Variants in SNX25 observed in about 807,000 individuals in gnomAD.
SNX25 encodes the protein sorting nexin-25.
Under a neutral mutation model 113.7 loss-of-function variants are expected in SNX25, and 62 were observed. The observed-to-expected ratio is 0.55, with a 90% CI of 0.44 to 0.67. The LOEUF (loss-of-function observed/expected upper bound fraction) is 0.67. Among genes scored for constraint, SNX25 ranks in the 30% least tolerant of loss-of-function variants. The probability of loss-of-function intolerance (pLI) is 0.00; values close to 1 mark genes in which losing one functional copy is unlikely to be tolerated. For synonymous variants in SNX25, 421 were observed against 436.2 expected (o/e 0.97, Z 0.43); for missense variants, 1,014 against 1,161.0 (o/e 0.87, Z 1.84).
intron 6 of SNX25, among the ~76,000 whole-genome samples, chr4:185,307,758 C>T (rs1754665091): frequency 6.6e-6 from 1 of 152,164 alleles, no homozygotes; most frequent in African/African-American, 2.4e-5. Context: ...CCTTGTCTGT[C>T]ACCTTTCTCA....
chr4:185,330,572 T>C (rs2095187337), intron 9 of SNX25, among the ~76,000 whole-genome samples: 1 of 152,226 alleles, frequency 6.6e-6, no homozygotes, highest in Admixed American at 6.5e-5. Flanking sequence ...ACCTCTTATT[T>C]ACTGTTAGTG....
intron 1 of SNX25, among the ~76,000 whole-genome samples, chr4:185,241,723 C>T (rs1230586631): frequency 6.6e-6 from 1 of 151,986 alleles, no homozygotes; most frequent in Non-Finnish European, 1.5e-5. Flanking sequence ...GACCAGGATA[C>T]TGAAGATTAT....
At chr4:185,377,824 C>T in the SNX25 span, 2 of 355,768 alleles carry the variant, frequency 5.6e-6, no homozygotes, top group East Asian at 1.0e-4. Context: ...GTGACATCTG[C>T]TTTCTGTTTT....
At chr4:185,320,224 C>T (rs13142118) in intron 7 of SNX25, among the ~76,000 whole-genome samples, 50,749 of 152,044 alleles carry the variant, frequency 0.33, 9,640 homozygotes, top group East Asian at 0.49. Context: ...ATGGAAGCAG[C>T]CCAAATGCCC....
chr4:185,318,081 A>G (rs2095089943), intron 7 of SNX25, among the ~76,000 whole-genome samples: 1 of 152,226 alleles, frequency 6.6e-6, no homozygotes, highest in South Asian at 2.1e-4. Flanking sequence ...TTCTGCCCAC[A>G]AAACAGATTA....
At chr4:185,345,037 G>A (rs2095278811) in intron 12 of SNX25, among the ~76,000 whole-genome samples, 1 of 152,054 alleles carries the variant, frequency 6.6e-6, no homozygotes, top group Non-Finnish European at 1.5e-5. Flanking sequence ...CAAAACAGGA[G>A]GAAAAAGAGT....
At chr4:185,216,040 A>G (rs137945259) in intron 1 of SNX25, among the ~76,000 whole-genome samples, 196 of 152,052 alleles carry the variant, frequency 1.3e-3, no homozygotes, top group African/African-American at 4.4e-3. Context: ...CAAGTGATCC[A>G]CCCGTCTTGG....
At chr4:185,239,233 G>A (rs1579415500) in intron 1 of SNX25, among the ~76,000 whole-genome samples, 1 of 146,528 alleles carries the variant, frequency 6.8e-6, no homozygotes, top group Non-Finnish European at 1.5e-5. Context: ...TGTAATCCCA[G>A]CACTTTGGGA....
chr4:185,274,353 C>G (rs60562192), intron 5 of SNX25, among the ~76,000 whole-genome samples: 137 of 152,304 alleles, frequency 9.0e-4, no homozygotes, highest in African/African-American at 3.3e-3. Context: ...GCCACCATGC[C>G]CAGCCAACAC....
Position 185,334,335 on chromosome 4 carries a change from C to T in SNX25, c.1914+1576C>T, listed in dbSNP as rs1467357655. ...CCTGGGTGACACAGCAAGACTCCAT[C>T]GATCAATCAATCAATAAAAAATAAG... On this transcript the variant is annotated intron_variant, in intron 10 of 18. Transcript: ENST00000652585. The surrounding 1 kb of genome is among the most constrained non-coding windows in gnomAD (Gnocchi z 4.2). Among the ~76,000 whole-genome samples, 3 of 152,042 alleles carry T rather than the reference C, an allele frequency of 2.0e-5. No homozygotes were observed. The highest frequency in any genetic ancestry group is 2.9e-5 in the Non-Finnish European group (2 of 68,026).
intron 6 of SNX25, among the ~76,000 whole-genome samples, chr4:185,293,822 G>A (rs1182594703): frequency 1.3e-5 from 2 of 152,142 alleles, no homozygotes; most frequent in East Asian, 1.9e-4. Flanking sequence ...ATAGTACCAT[G>A]AGGGATTGCA....
chr4:185,216,512 G>GT (rs1560894560), intron 1 of SNX25, among the ~76,000 whole-genome samples: 6 of 117,868 alleles, frequency 5.1e-5, no homozygotes, highest in East Asian at 2.8e-4. Flanking sequence ...GTGTGTATTT[G>GT]GTTTTTTTTT....
chr4:185,330,266 T>C (rs1006506894), intron 9 of SNX25, among the ~76,000 whole-genome samples: 8 of 152,156 alleles, frequency 5.3e-5, no homozygotes, highest in African/African-American at 1.7e-4. Context: ...ATCTTGGGGC[T>C]GACATCTCCC....
chr4:185,367,655 A>G (rs1487936841), downstream of SNX25, among the ~76,000 whole-genome samples: 2 of 152,206 alleles, frequency 1.3e-5, no homozygotes, highest in Non-Finnish European at 2.9e-5. Context: ...TTATGTCTAA[A>G]TAGTGACAAG....
chr4:185,218,175 C>T (rs917565706), intron 1 of SNX25, among the ~76,000 whole-genome samples: 44 of 152,332 alleles, frequency 2.9e-4, no homozygotes, highest in Middle Eastern at 6.8e-3. Context: ...ACCTCTGCCT[C>T]CCGGGTTCAA....
chr4:185,239,377 G>A (rs1366699837), intron 1 of SNX25, among the ~76,000 whole-genome samples: 2 of 152,224 alleles, frequency 1.3e-5, no homozygotes, highest in East Asian at 1.9e-4. Flanking sequence ...CAGCTACTCG[G>A]GAGGCTGAGG....
At chr4:185,227,050 T>C (rs1741113664) in intron 1 of SNX25, among the ~76,000 whole-genome samples, 1 of 152,230 alleles carries the variant, frequency 6.6e-6, no homozygotes, top group Non-Finnish European at 1.5e-5. Flanking sequence ...TTGCGGGCTG[T>C]TGACCAGGTG....
At chr4:185,277,303 A>G (rs544274645) in intron 5 of SNX25, among the ~76,000 whole-genome samples, 11 of 152,256 alleles carry the variant, frequency 7.2e-5, no homozygotes, top group African/African-American at 2.6e-4. Flanking sequence ...GATTACAGAT[A>G]TGAACCACTG....
chr4:185,263,038 G>T (rs1271110380), intron 3 of SNX25, among the ~76,000 whole-genome samples: 2 of 152,190 alleles, frequency 1.3e-5, no homozygotes, highest in African/African-American at 4.8e-5. Context: ...AGATCAAGCT[G>T]CTTTGGCCAG....
Sources: gnomAD v4.1 joint callset for allele counts (sites outside exome capture counted in the v4.1 genomes callset) on GRCh38, gnomAD v4.1.1 for gene constraint, Gnocchi (gnomAD v3.1) non-coding constraint, MANE v1.5 for transcripts, NCBI Gene and HGNC (gene_info 2026-07-23, HGNC 2026-07-21) for gene names.